STK39: variants seen among roughly 807,000 people sequenced by gnomAD.
The protein encoded by STK39 is STE20/SPS1-related proline-alanine-rich protein kinase.
In STK39, 20 loss-of-function variants were observed where a neutral mutation model predicts 77.8. That is an observed-to-expected ratio of 0.26 (90% CI 0.18 to 0.37). The LOEUF is 0.37. Among genes scored for constraint, STK39 ranks in the 10% least tolerant of loss-of-function variants. The probability of loss-of-function intolerance (pLI) is 1.00; values close to 1 mark genes in which losing one functional copy is unlikely to be tolerated. For missense variants in STK39, 479 were observed against 656.5 expected, an observed-to-expected ratio of 0.73 and a Z score of 2.95; for synonymous variants, 246 against 234.1, an observed-to-expected ratio of 1.05 and a Z score of -0.47.
chr2:167,990,627 A>T (rs1161202619), intron 16 of STK39, among the ~76,000 whole-genome samples: 3 of 152,218 alleles, frequency 2.0e-5, no homozygotes, highest in Non-Finnish European at 4.4e-5. Flanking sequence ...AACAGTGCAA[A>T]TGCAGAACCC....
intron 16 of STK39, among the ~76,000 whole-genome samples, chr2:167,981,258 C>G (rs4578820): frequency 6.6e-6 from 1 of 151,878 alleles, no homozygotes; most frequent in Non-Finnish European, 1.5e-5. Flanking sequence ...TCTTGCTACC[C>G]AGAAAAAAAG....
intron 16 of STK39, among the ~76,000 whole-genome samples, chr2:168,000,166 T>C (rs1409424490): frequency 6.6e-6 from 1 of 152,234 alleles, no homozygotes; most frequent in African/African-American, 2.4e-5. Flanking sequence ...TTTCAGATTA[T>C]GCCTATAAGA....
intron 14 of STK39, among the ~76,000 whole-genome samples, chr2:168,023,334 T>C (rs1684615307): frequency 6.6e-6 from 1 of 152,154 alleles, no homozygotes; most frequent in Non-Finnish European, 1.5e-5. Flanking sequence ...CATTAAGTTT[T>C]TCTTCTTGTT....
chr2:168,083,280 T>C (rs1362394686), intron 10 of STK39, among the ~76,000 whole-genome samples: 1 of 151,956 alleles, frequency 6.6e-6, no homozygotes, highest in Non-Finnish European at 1.5e-5. Context: ...AATTGGAATT[T>C]TGCCTATACC....
At chr2:168,159,601 G>A (rs541324140) in intron 5 of STK39, among the ~76,000 whole-genome samples, 1 of 152,310 alleles carries the variant, frequency 6.6e-6, no homozygotes, top group Non-Finnish European at 1.5e-5. Flanking sequence ...TACTGTATTA[G>A]TTGGATGTTA....
chr2:168,156,415 T>C (rs900270276), intron 5 of STK39, among the ~76,000 whole-genome samples: 1 of 123,792 alleles, frequency 8.1e-6, no homozygotes, highest in Non-Finnish European at 1.8e-5. Context: ...AAGAGGAAGA[T>C]ACAGTCAGAT....
At chr2:168,057,790 C>G (rs1054664639) in intron 14 of STK39, among the ~76,000 whole-genome samples, 1 of 152,086 alleles carries the variant, frequency 6.6e-6, no homozygotes, top group East Asian at 1.9e-4. Flanking sequence ...AAGAAGACTT[C>G]CAGGCAAGGT....
intron 1 of STK39, among the ~76,000 whole-genome samples, chr2:168,203,845 C>T (rs758427189): frequency 2.0e-5 from 3 of 152,246 alleles, no homozygotes; most frequent in Non-Finnish European, 4.4e-5. Context: ...CCACCCACCT[C>T]GGCCTCCCGA....
chr2:167,956,318 G>A (rs953694633), intron 17 of STK39, among the ~76,000 whole-genome samples: 1 of 152,176 alleles, frequency 6.6e-6, no homozygotes, highest in East Asian at 1.9e-4. Flanking sequence ...CAGCACTTTG[G>A]GGGGCCGAGG....
At chr2:167,965,849 G>C (rs1692143667) in intron 16 of STK39, among the ~76,000 whole-genome samples, 1 of 152,116 alleles carries the variant, frequency 6.6e-6, no homozygotes, top group Admixed American at 6.5e-5. Context: ...AAAGTAGTAA[G>C]AAATCTGCGC....
chr2:168,023,261 CTTT>C (rs373354840), intron 14 of STK39, among the ~76,000 whole-genome samples: 3 of 139,904 alleles, frequency 2.1e-5, no homozygotes, highest in Non-Finnish European at 1.6e-5. Flanking sequence ...TGCTGACAAA[CTTT>C]TTTTTTTTTT....
intron 5 of STK39, among the ~76,000 whole-genome samples, chr2:168,150,385 A>T (rs953475841): frequency 1.3e-5 from 2 of 152,230 alleles, no homozygotes; most frequent in African/African-American, 4.8e-5. Flanking sequence ...ACTATGTCTC[A>T]TATGTGCAGT....
intron 14 of STK39, among the ~76,000 whole-genome samples, chr2:168,020,735 T>C (rs1684549713): frequency 6.6e-6 from 1 of 151,958 alleles, no homozygotes; most frequent in Non-Finnish European, 1.5e-5. Context: ...CAAAGAGGTA[T>C]TATTTGTTTT....
intron 5 of STK39, among the ~76,000 whole-genome samples, chr2:168,142,830 T>C (rs552445984): frequency 6.6e-6 from 1 of 152,314 alleles, no homozygotes. Context: ...AGAAGAAATA[T>C]ACAATTTGCT....
chr2:168,101,354 A>C (rs973295977), intron 10 of STK39, among the ~76,000 whole-genome samples: 67 of 152,194 alleles, frequency 4.4e-4, no homozygotes, highest in African/African-American at 1.5e-3. Context: ...TTAAAGTATA[A>C]TAAAAAGAAA....
chr2:167,974,182 T>C (rs922747980), intron 16 of STK39, among the ~76,000 whole-genome samples: 2 of 152,190 alleles, frequency 1.3e-5, no homozygotes, highest in African/African-American at 4.8e-5. Context: ...AGAGACAGAC[T>C]GTTTGAAAAG....
intron 14 of STK39, among the ~76,000 whole-genome samples, chr2:168,040,900 A>G (rs1685086674): frequency 6.6e-6 from 1 of 152,200 alleles, no homozygotes; most frequent in Non-Finnish European, 1.5e-5. Context: ...TCACTGAATT[A>G]CATAAAGTGA....
chr2:168,092,616 AGAG>A (rs749132315), intron 10 of STK39, among the ~76,000 whole-genome samples: 5 of 152,244 alleles, frequency 3.3e-5, no homozygotes, highest in Non-Finnish European at 7.3e-5. Flanking sequence ...ATGGTAAGAT[AGAG>A]GAGAACAGGT....
chr2:168,202,383 T>C (rs762795673), intron 1 of STK39, among the ~76,000 whole-genome samples: 32 of 152,216 alleles, frequency 2.1e-4, no homozygotes, highest in Non-Finnish European at 4.4e-4. Context: ...TACTTATTGT[T>C]AGTACAGACA....
Sources: allele counts gnomAD v4.1 joint callset (sites outside exome capture counted in the v4.1 genomes callset), GRCh38; gene constraint gnomAD v4.1.1; transcripts MANE v1.5; gene names NCBI Gene and HGNC (gene_info 2026-07-23, HGNC 2026-07-21).